Variants in ZCCHC24 observed in about 807,000 individuals in gnomAD.
The protein encoded by ZCCHC24 is zinc finger CCHC domain-containing protein 24.
Under a neutral mutation model 26.2 loss-of-function variants are expected in ZCCHC24, and 10 were observed. That is an observed-to-expected ratio of 0.38 (90% CI 0.24 to 0.65). The LOEUF is 0.65. Among genes scored for constraint, ZCCHC24 ranks in the 30% least tolerant of loss-of-function variants. The probability of loss-of-function intolerance (pLI) is 0.54; values close to 1 mark genes in which losing one functional copy is unlikely to be tolerated. For synonymous variants in ZCCHC24, 144 were observed against 147.1 expected, an observed-to-expected ratio of 0.98 and a Z score of 0.15; for missense variants, 243 against 329.1, an observed-to-expected ratio of 0.74 and a Z score of 2.03.
chr10:79,403,938 CAG>C (rs905869145), intron 2 of ZCCHC24, among the ~76,000 whole-genome samples: 2 of 151,112 alleles, frequency 1.3e-5, no homozygotes, highest in Non-Finnish European at 2.9e-5. Context: ...AAGCGGGGGA[CAG>C]AGAGATGAGG....
At chr10:79,408,226 G>A (rs1856744641) in intron 2 of ZCCHC24, among the ~76,000 whole-genome samples, 1 of 152,198 alleles carries the variant, frequency 6.6e-6, no homozygotes, top group Non-Finnish European at 1.5e-5. Context: ...ACGGAAGCCA[G>A]TTGACCCCAG....
chr10:79,413,248 C>T (rs935091215), intron 2 of ZCCHC24, among the ~76,000 whole-genome samples: 1 of 152,238 alleles, frequency 6.6e-6, no homozygotes, highest in African/African-American at 2.4e-5. Flanking sequence ...CATCCACCGG[C>T]CCACAGCATG....
At chr10:79,428,000 G>A (rs1332370304) in intron 2 of ZCCHC24, among the ~76,000 whole-genome samples, 1 of 152,182 alleles carries the variant, frequency 6.6e-6, no homozygotes, top group African/African-American at 2.4e-5. Flanking sequence ...TAAATCTAAA[G>A]CAAGCTGATG....
At chr10:79,422,432 G>A (rs1489711901) in intron 2 of ZCCHC24, among the ~76,000 whole-genome samples, 1 of 152,204 alleles carries the variant, frequency 6.6e-6, no homozygotes, top group African/African-American at 2.4e-5. Flanking sequence ...CTGGGGAGGG[G>A]TGCAGGGGCT....
At chr10:79,416,099 T>C (rs1386932990) in intron 2 of ZCCHC24, among the ~76,000 whole-genome samples, 1 of 152,204 alleles carries the variant, frequency 6.6e-6, no homozygotes, top group Non-Finnish European at 1.5e-5. Flanking sequence ...AGCCTTTAGA[T>C]GTTCATAAAT....
At chr10:79,432,508 C>A (rs1334733003) in intron 2 of ZCCHC24, 50 bp downstream of exon 2, 2 of 1,563,710 alleles carry the variant, frequency 1.3e-6, no homozygotes, top group African/African-American at 2.8e-5. Context: ...AGCCTGTCCG[C>A]AGGTCAGTAG....
At chr10:79,409,870 C>A (rs563704000) in intron 2 of ZCCHC24, among the ~76,000 whole-genome samples, 1 of 152,178 alleles carries the variant, frequency 6.6e-6, no homozygotes, top group Non-Finnish European at 1.5e-5. Flanking sequence ...AGGGGGAGGA[C>A]GGGGGCTCTC....
chr10:79,440,868 G>T (rs1418309635), intron 1 of ZCCHC24, among the ~76,000 whole-genome samples: 2 of 152,118 alleles, frequency 1.3e-5, no homozygotes, highest in Admixed American at 1.3e-4. Flanking sequence ...ACGAGGTGTG[G>T]TCTTCCCTCT....
intron 1 of ZCCHC24, among the ~76,000 whole-genome samples, chr10:79,432,999 T>C (rs1857156935): frequency 6.6e-6 from 1 of 152,194 alleles, no homozygotes; most frequent in Non-Finnish European, 1.5e-5. Flanking sequence ...AGGGTTTCTA[T>C]GAGGCTAAAA....
chr10:79,417,329 A>G (rs1856878032), intron 2 of ZCCHC24, among the ~76,000 whole-genome samples: 1 of 79,458 alleles, frequency 1.3e-5, no homozygotes, highest in African/African-American at 3.5e-5. Context: ...CCACCTCACC[A>G]TCACCCCAAC....
intron 2 of ZCCHC24, among the ~76,000 whole-genome samples, chr10:79,414,403 G>A (rs1564636217): frequency 6.6e-6 from 1 of 152,204 alleles, no homozygotes; most frequent in Non-Finnish European, 1.5e-5. Context: ...TATACAGAAT[G>A]ATTATAGAAT....
intron 1 of ZCCHC24, among the ~76,000 whole-genome samples, chr10:79,437,586 A>G (rs1187118326): frequency 6.6e-6 from 1 of 152,038 alleles, no homozygotes; most frequent in Non-Finnish European, 1.5e-5. Context: ...GACCTCCCCT[A>G]TAGGAAGGGG....
chr10:79,387,417 C>T (rs1856412584), intron 3 of ZCCHC24, among the ~76,000 whole-genome samples: 1 of 152,218 alleles, frequency 6.6e-6, no homozygotes, highest in African/African-American at 2.4e-5. Context: ...TTTTCCTCCC[C>T]TCCTGACTCT....
In ZCCHC24 at chr10:79,445,362, A is replaced by G; in HGVS notation, c.79T>C (p.Ser27Pro). The G allele has an allele frequency of 6.5e-7, 1 of 1,539,678 alleles. No individual in the cohort carries two copies. The highest frequency in any genetic ancestry group is 8.7e-7 in the Non-Finnish European group (1 of 1,146,042). The change falls in exon 1 of 4, where the codon TCG (serine) becomes CCG (proline). Residue 27 changes from serine to proline, a missense_variant. Ser to Pro is a moderately conservative substitution (Grantham distance 74, BLOSUM62 -1). Transcript: ENST00000372336. ...PAQLLNWVYLSLQDTHQASAF... is the reference protein window; with the variant it reads ...PAQLLNWVYLPLQDTHQASAF... ...CTAGCCTGGTGCGTGTCCTGCAGCG[A>G]CAGGTAGACCCAGTTGAGCAGCTGG...
At chr10:79,444,045 G>A in intron 1 of ZCCHC24, 3 of 1,508,816 alleles carry the variant, frequency 2.0e-6, no homozygotes, top group Non-Finnish European at 1.8e-6. Context: ...GCACACCCTT[G>A]CGTACATAGG....
chr10:79,421,063 C>T (rs1856927139), intron 2 of ZCCHC24, among the ~76,000 whole-genome samples: 1 of 152,200 alleles, frequency 6.6e-6, no homozygotes, highest in Non-Finnish European at 1.5e-5. Flanking sequence ...TGCTCGAAGG[C>T]ACCTCACTGA....
intron 2 of ZCCHC24, among the ~76,000 whole-genome samples, chr10:79,422,292 A>G (rs1264859157): frequency 2.6e-5 from 4 of 152,028 alleles, no homozygotes; most frequent in African/African-American, 9.7e-5. Context: ...GGACACCCAG[A>G]CCTGCAGTGA....
chr10:79,432,758 C>T lies in ZCCHC24; in HGVS notation c.247G>A (p.Ala83Thr). ...CCCTTGTACACACTGTTGCTCAGCG[C>T]CTGTGGGAGACAGAGGCACATATAC... Reference protein sequence around the residue: ...NSFFQLQRGEALSNSVYKGAS... With the variant: ...NSFFQLQRGETLSNSVYKGAS... Residue 83 changes from alanine to threonine, a missense_variant and splice_region_variant, in exon 2 of 4, where the codon GCG (alanine) becomes ACG (threonine). Around this residue, in one of 2 missense-constraint regions of ZCCHC24, gnomAD observed 147 missense variants for 150.8 expected, o/e 0.97. Coordinates refer to ENST00000372336, the MANE Select transcript of ZCCHC24 (RefSeq NM_153367.4). 4 of 1,607,692 alleles carry T rather than the reference C, an allele frequency of 2.5e-6. No individual in the cohort carries two copies. Among genetic ancestry groups the T allele is most frequent in the Non-Finnish European group, 2.5e-6 (3 of 1,177,756 alleles).
In ZCCHC24 at chr10:79,383,476, A is replaced by T. The variant is rs1306525162; in HGVS notation, c.*2869T>A. The T allele has an allele frequency of 6.6e-6, 1 of 152,372 alleles. No individual in the cohort carries two copies. The highest frequency in any genetic ancestry group is 3.2e-3 in the Middle Eastern group (1 of 316). 9.4% of individuals were successfully genotyped at this position (152,372 alleles called of 1,614,324 possible). The stretch of plus-strand genomic sequence containing the variant: ...GGGAAACAGAAAAGTTCTCACCATA[A>T]ATATTTTCTTGCAGCTCAACCAGAA... On this transcript the variant is annotated 3_prime_UTR_variant, in exon 4 of 4. Transcript: ENST00000372336.
Sources: allele counts gnomAD v4.1 joint callset (sites outside exome capture counted in the v4.1 genomes callset), GRCh38; gene constraint gnomAD v4.1.1; regional missense constraint gnomAD v4.1.1; transcripts MANE v1.5; gene names NCBI Gene and HGNC (gene_info 2026-07-23, HGNC 2026-07-21).